Variants in ERP27 observed in about 807,000 individuals in gnomAD.
ERP27 encodes the protein endoplasmic reticulum protein 27.
A neutral mutation model predicts 27.7 loss-of-function variants in ERP27; 23 were observed. That is an observed-to-expected ratio of 0.83 (90% CI 0.60 to 1.18). The LOEUF is 1.18. Ranked by LOEUF, ERP27 falls within the 50% of genes most tolerant of loss-of-function variation. The probability of loss-of-function intolerance (pLI) is 0.00; values close to 1 mark genes in which losing one functional copy is unlikely to be tolerated. For synonymous variants in ERP27, 159 were observed against 118.3 expected, an observed-to-expected ratio of 1.34 and a Z score of -2.23; for missense variants, 363 against 327.9, an observed-to-expected ratio of 1.11 and a Z score of -0.83.
chr12:14,915,672 C>G lies in ERP27; in HGVS notation c.591G>C (p.Leu197=). 6.2e-7 allele frequency: 1 copy of G among 1,613,530 alleles called. No individual in the cohort carries two copies. Among genetic ancestry groups the G allele is most frequent in the Non-Finnish European group, 8.5e-7 (1 of 1,179,572 alleles). ...KLFQGKILFI[L]VDSGMKENGK... ...CATTTTCTTTCATACCACTGTCCAC[C>G]AGAATAAAGAGAATCTGCAGTTGGG... Residue 197 remains leucine (L), a synonymous_variant, in exon 6 of 7, where the codon CTG becomes CTC. Transcript: ENST00000266397.
chr12:14,914,655 T>C lies in ERP27; in HGVS notation c.*80A>G. 2.2e-6 allele frequency: 3 copies of C among 1,373,694 alleles called. No homozygotes were observed. The highest frequency in any genetic ancestry group is 2.5e-5 in the South Asian group (2 of 81,284). 85.1% of individuals were successfully genotyped at this position (1,373,694 alleles called of 1,614,324 possible). On this transcript the variant is annotated 3_prime_UTR_variant, in exon 7 of 7. Coordinates refer to ENST00000266397, the MANE Select transcript of ERP27 (RefSeq NM_152321.4). ...TTGGCAGGCCTAGTGATCCTGTTGT[T>C]TAGTGTCTCTGAGATTTGAGTTGTG...
intron 5 of ERP27, among the ~76,000 whole-genome samples, chr12:14,916,056 G>T (rs916748247): frequency 3.9e-5 from 6 of 152,100 alleles, no homozygotes; most frequent in African/African-American, 1.4e-4. Flanking sequence ...GAGCAGAAAA[G>T]ATCACAATTT....
chr12:14,920,657 C>T (rs775247160), intron 4 of ERP27, among the ~76,000 whole-genome samples: 2 of 152,184 alleles, frequency 1.3e-5, no homozygotes, highest in Non-Finnish European at 2.9e-5. Flanking sequence ...CATTTGTGAG[C>T]CACTGCACCT....
At position 14,935,201 on chromosome 12, in the gene ERP27, G is replaced by A. The variant is rs559295183; in HGVS notation, c.196-208C>T. ...GCTCTGTAAGTTAATAGGTAACCAC[G>A]AAATTGTAGCTGAGCCTGAGACTCC... On this transcript the variant is annotated intron_variant, in intron 2 of 6. Transcript: ENST00000266397. 9.9e-5 allele frequency: 96 copies of A among 968,274 alleles called. 1 individual carries two copies. The African/African-American group carries it at 1.5e-3, about 15-fold the overall frequency. 60.0% of individuals were successfully genotyped at this position (968,274 alleles called of 1,614,324 possible).
intron 4 of ERP27, among the ~76,000 whole-genome samples, chr12:14,917,513 A>G (rs1315717215): frequency 6.6e-6 from 1 of 151,998 alleles, no homozygotes; most frequent in Non-Finnish European, 1.5e-5. Context: ...TGAATGGGGC[A>G]GAACTGAGTA....
At chr12:14,932,265 G>A (rs558255176) in intron 3 of ERP27, among the ~76,000 whole-genome samples, 1 of 152,298 alleles carries the variant, frequency 6.6e-6, no homozygotes, top group African/African-American at 2.4e-5. Flanking sequence ...TGAAAATAGA[G>A]ATAAGGAGTT....
chr12:14,914,615 T>C lies in ERP27; in HGVS notation c.*120A>G, dbSNP rs1592271223. 3.8e-6 allele frequency: 3 copies of C among 788,792 alleles called. No homozygotes were observed. The highest frequency in any genetic ancestry group is 4.5e-5 in the Admixed American group (2 of 44,728). The allele number at this position is 788,792 out of a possible 1,614,324, so 48.9% of individuals were successfully genotyped here. On this transcript the variant is annotated 3_prime_UTR_variant, in exon 7 of 7. Transcript: ENST00000266397. ...GCACGCGTGCGTGCGTGTGTGCACG[T>C]GCGTGTGTGTGTGGTTGGCAGGCCT...
chr12:14,933,015 G>A (rs1863718942), intron 3 of ERP27, among the ~76,000 whole-genome samples: 1 of 152,210 alleles, frequency 6.6e-6, no homozygotes, highest in Non-Finnish European at 1.5e-5. Context: ...TATTCTAAAT[G>A]TTCCGCAAGC....
At chr12:14,928,494 A>G (rs546352180) in intron 3 of ERP27, among the ~76,000 whole-genome samples, 2 of 152,300 alleles carry the variant, frequency 1.3e-5, no homozygotes, top group East Asian at 3.9e-4. Flanking sequence ...TTCTCTTCCA[A>G]TCCATTTGTT....
intron 5 of ERP27, chr12:14,915,984 CAAAG>C: frequency 5.3e-6 from 1 of 190,470 alleles, no homozygotes. Context: ...CTCCTGAACA[CAAAG>C]AAGGGAACAA....
intron 3 of ERP27, among the ~76,000 whole-genome samples, chr12:14,922,901 C>A (rs1863528327): frequency 6.6e-6 from 1 of 152,030 alleles, no homozygotes; most frequent in South Asian, 2.1e-4. Context: ...ATGGTGAAAC[C>A]CTGTCTCTAC....
intron 3 of ERP27, among the ~76,000 whole-genome samples, chr12:14,924,191 T>G (rs555482440): frequency 6.6e-6 from 1 of 152,330 alleles, no homozygotes; most frequent in Non-Finnish European, 1.5e-5. Context: ...TCTGTGCTCC[T>G]ACACATGACA....
chr12:14,920,780 T>C (rs766912273), intron 4 of ERP27, 152 bp downstream of exon 4: 6 of 575,602 alleles, frequency 1.0e-5, no homozygotes, highest in Admixed American at 9.7e-5. Context: ...AGTTAAATCT[T>C]AAAAAGGTGT....
chr12:14,925,754 TA>T (rs1175369708), intron 3 of ERP27, among the ~76,000 whole-genome samples: 5 of 152,124 alleles, frequency 3.3e-5, no homozygotes, highest in Non-Finnish European at 7.4e-5. Context: ...TTTCTTTTTT[TA>T]AAACCAGCTT....
chr12:14,923,496 T>TATC (rs1863544091), intron 3 of ERP27, among the ~76,000 whole-genome samples: 1 of 135,536 alleles, frequency 7.4e-6, no homozygotes, highest in Non-Finnish European at 1.6e-5. Context: ...ATAATCAATC[T>TATC]ATCTATCTAT....
At chr12:14,925,555 G>T (rs556472071) in intron 3 of ERP27, among the ~76,000 whole-genome samples, 2 of 151,926 alleles carry the variant, frequency 1.3e-5, no homozygotes, top group Non-Finnish European at 2.9e-5. Context: ...TTATTTAGAA[G>T]TGTATTTCTT....
intron 4 of ERP27, among the ~76,000 whole-genome samples, chr12:14,919,709 T>C (rs1863471141): frequency 6.6e-6 from 1 of 152,202 alleles, no homozygotes; most frequent in Admixed American, 6.5e-5. Context: ...ACATAGGCTG[T>C]CTCTGAAGCT....
At chr12:14,915,887 A>T in intron 5 of ERP27, 4 of 579,120 alleles carry the variant, frequency 6.9e-6, no homozygotes, top group East Asian at 2.9e-5. Flanking sequence ...ATGGGGCTGG[A>T]GGCTATTATC....
At chr12:14,927,796 A>C (rs1012330462) in intron 3 of ERP27, among the ~76,000 whole-genome samples, 12 of 151,960 alleles carry the variant, frequency 7.9e-5, no homozygotes, top group Non-Finnish European at 5.9e-5. Context: ...ACATTCATGC[A>C]CACACATTTT....
Sources: gnomAD v4.1 joint callset for allele counts (sites outside exome capture counted in the v4.1 genomes callset) on GRCh38, gnomAD v4.1.1 for gene constraint, MANE v1.5 for transcripts, NCBI Gene and HGNC (gene_info 2026-07-23, HGNC 2026-07-21) for gene names.